The following PLXNB2 variants were observed in gnomAD, a reference collection of about 807,000 sequenced individuals.
The protein encoded by PLXNB2 is plexin B2.
Under a neutral mutation model 202.6 loss-of-function variants are expected in PLXNB2, and 85 were observed. The ratio of observed to expected loss-of-function variants is 0.42; its 90% CI spans 0.35 to 0.50. The LOEUF is 0.50. Ranked by LOEUF, PLXNB2 falls within the 20% of genes least tolerant of loss-of-function variation. The probability of loss-of-function intolerance (pLI) is 0.02; values close to 1 mark genes in which losing one functional copy is unlikely to be tolerated. For missense variants in PLXNB2, 2,063 were observed against 2,586.2 expected (o/e 0.80, Z 4.39); for synonymous variants, 1,239 against 1,137.6 (o/e 1.09, Z -1.79).
chr22:50,282,341 C>T (rs370163149), intron 18 of PLXNB2, 28 bp from the exon 19 acceptor site: 31 of 1,570,222 alleles, frequency 2.0e-5, no homozygotes, highest in African/African-American at 1.9e-4. Context: ...TTCGTGGGCT[C>T]GGCTGGCAGG....
intron 1 of PLXNB2, among the ~76,000 whole-genome samples, chr22:50,295,574 T>A (rs1303708353): frequency 6.6e-6 from 1 of 152,178 alleles, no homozygotes; most frequent in Non-Finnish European, 1.5e-5. Flanking sequence ...TATCTTCTAG[T>A]TCTGGATAAA....
In PLXNB2 at chr22:50,289,096, G is replaced by A. The variant is rs779092516; in HGVS notation, c.1115C>T (p.Pro372Leu). ...FPCGSEHLPYPLGSRDGLRGT... is the reference protein window; with the variant it reads ...FPCGSEHLPYLLGSRDGLRGT... Reference sequence around the variant, plus strand: ...TCTGAGCCCGTCGCGGCTGCCCAGCGGGTAGGGCAGGTGCTCCGAGCCACA... The same window carrying A: ...TCTGAGCCCGTCGCGGCTGCCCAGCAGGTAGGGCAGGTGCTCCGAGCCACA... The change falls in exon 4 of 37, where the codon CCG becomes CTG. Residue 372 changes from proline to leucine, a missense_variant. Pro to Leu is a moderately conservative substitution (Grantham distance 98). Coordinates refer to ENST00000359337, the MANE Select transcript of PLXNB2 (RefSeq NM_012401.4). The surrounding 1 kb of genome is among the most constrained non-coding windows in gnomAD (Gnocchi z 8.0). 7.5e-6 allele frequency: 12 copies of A among 1,593,556 alleles called. No homozygotes were observed. Among genetic ancestry groups the A allele is most frequent in the East Asian group, 2.3e-5 (1 of 44,418 alleles).
intron 2 of PLXNB2, among the ~76,000 whole-genome samples, chr22:50,292,489 A>G (rs1392192700): frequency 6.6e-6 from 1 of 152,202 alleles, no homozygotes; most frequent in African/African-American, 2.4e-5. Context: ...ACGGAGCAGA[A>G]TTTACCCAAG....
At chr22:50,296,386 C>T (rs887617304) in intron 1 of PLXNB2, among the ~76,000 whole-genome samples, 3 of 151,842 alleles carry the variant, frequency 2.0e-5, no homozygotes, top group African/African-American at 7.3e-5. Flanking sequence ...AGAGCGAGAC[C>T]CTGACTCTAA....
rs2066296257 is a variant in PLXNB2, at chr22:50,284,775, C to T, written c.2089-110G>A. 6.0e-6 allele frequency: 5 copies of T among 833,806 alleles called. No homozygotes were observed. The highest frequency in any genetic ancestry group is 1.1e-5 in the Non-Finnish European group (5 of 472,782). The allele number at this position is 833,806 out of a possible 1,614,324, so 51.7% of individuals were successfully genotyped here. A position where few individuals can be genotyped will look rare whatever the true frequency, so the allele number is the denominator to read the frequency against. On this transcript the variant is annotated intron_variant, in intron 11 of 36. Transcript: ENST00000359337. The surrounding 1 kb of genome is among the most constrained non-coding windows in gnomAD (Gnocchi z 8.0). ...GCCTACAGTGTGGGAGCCCTCTCCT[C>T]ACCCCACACATGCCCGCCCCTCAGA...
In PLXNB2 at chr22:50,277,751, A is replaced by C. The variant is rs1444663410; in HGVS notation, c.5049-13T>G. On this transcript the variant is annotated splice_polypyrimidine_tract_variant and intron_variant, in intron 32 of 36. Transcript: ENST00000359337. ...CCGGAGCGGTAAGCTGAGGCAGAGC[A>C]GCAGGGAATGAGAGCCGGGGCTGGG... 6.3e-7 allele frequency: 1 copy of C among 1,593,828 alleles called. No homozygotes were observed. The highest frequency in any genetic ancestry group is 8.6e-7 in the Non-Finnish European group (1 of 1,166,380).
chr22:50,280,714 G>T, intron 24 of PLXNB2, 30 bp downstream of exon 24: 3 of 1,528,948 alleles, frequency 2.0e-6, no homozygotes, highest in Non-Finnish European at 2.7e-6. Context: ...CCACCTGTGT[G>T]CCCTCCCGCC....
In PLXNB2 at chr22:50,287,919, G is replaced by A. The variant is rs767507828; in HGVS notation, c.1481+18C>T. On this transcript the variant is annotated intron_variant, in intron 6 of 36. Transcript: ENST00000359337. Reference sequence around the variant, plus strand: ...TCCCAGAGGCAGGCCGTGTCCCCGAGCCACCCCAGGCACTCACCGTCCCTC... The same window carrying A: ...TCCCAGAGGCAGGCCGTGTCCCCGAACCACCCCAGGCACTCACCGTCCCTC... 3.2e-6 allele frequency: 5 copies of A among 1,581,936 alleles called. No individual in the cohort carries two copies. The South Asian group carries it at 5.7e-5, about 18-fold the overall frequency.
Position 50,301,460 on chromosome 22 carries a change from C to T in PLXNB2, c.-74+6093G>A, listed in dbSNP as rs115019035. 1.7e-3 allele frequency: 1,518 copies of T among 919,742 alleles called. 19 individuals carry two copies. The African/African-American group carries it at 0.026, about 16-fold the overall frequency. 57.0% of individuals were successfully genotyped at this position (919,742 alleles called of 1,614,324 possible). A position where few individuals can be genotyped will look rare whatever the true frequency, so the allele number is the denominator to read the frequency against. On this transcript the variant is annotated intron_variant, in intron 1 of 36. Coordinates refer to ENST00000359337, the MANE Select transcript of PLXNB2 (RefSeq NM_012401.4). ...GAACCACCAACTCATCAGGACAGGACATGCGGTCAGACAGCAGGCGGCCAC... is the reference window on the plus strand; with the variant it reads ...GAACCACCAACTCATCAGGACAGGATATGCGGTCAGACAGCAGGCGGCCAC...
intron 31 of PLXNB2, 49 bp downstream of exon 31, chr22:50,278,068 G>A: frequency 6.3e-7 from 1 of 1,576,836 alleles, no homozygotes; most frequent in Non-Finnish European, 8.7e-7. Flanking sequence ...TGGGGGGGAG[G>A]GTCTCAGCGT....
chr22:50,292,709 G>A (rs1430368717), intron 2 of PLXNB2, among the ~76,000 whole-genome samples: 1 of 151,956 alleles, frequency 6.6e-6, no homozygotes, highest in Non-Finnish European at 1.5e-5. Flanking sequence ...TGCATTTACT[G>A]GCACAGCCGC....
rs1167348016 is a variant in PLXNB2 at position 50,281,313 on chromosome 22, G to A, written c.3662+47C>T. ...GATGAGGCCAGAGGGGCCGAGGCGG[G>A]AGGGCCGAGGGCTCAGGGTGTTGGC... On this transcript the variant is annotated intron_variant, in intron 22 of 36. Transcript: ENST00000359337. 26 of 1,603,044 alleles carry A rather than the reference G, an allele frequency of 1.6e-5. No individual in the cohort carries two copies. The Middle Eastern group carries it at 4.9e-4, about 30-fold the overall frequency.
intron 35 of PLXNB2, among the ~76,000 whole-genome samples, 199 bp downstream of exon 35, chr22:50,276,430 T>TGGATGGAGTGACAGGGAG (rs1601667928): frequency 5.7e-4 from 2 of 3,534 alleles, no homozygotes; most frequent in African/African-American, 9.0e-4. Flanking sequence ...GGGCAGGGCC[T>TGGATGGAGTGACAGGGAG]GGCTCCAAGC....
Position 50,278,991 on chromosome 22 carries a change from C to G in PLXNB2, c.4410G>C (p.Gln1470His), listed in dbSNP as rs2065800920. 6.2e-7 allele frequency: 1 copy of G among 1,611,934 alleles called. No individual in the cohort carries two copies. Among genetic ancestry groups the G allele is most frequent in the African/African-American group, 1.3e-5 (1 of 75,042 alleles). The change falls in exon 28 of 37, where the codon CAG becomes CAC. Residue 1470 changes from glutamine (Q) to histidine (H), a missense_variant. Physicochemically the swap from Gln to His is conservative, Grantham distance 24. Around this residue, in one of 2 missense-constraint regions of PLXNB2, gnomAD observed 760 missense variants for 1,109.4 expected, o/e 0.69. Transcript: ENST00000359337. Reference protein sequence around the residue: ...YAPLTVSVIVQDEGVDAIPVK... With the variant: ...YAPLTVSVIVHDEGVDAIPVK... ...CCGGGATGGCGTCCACTCCCTCGTCCTGCACGATCACGCTCACCGTCTGCC... is the reference window on the plus strand; with the variant it reads ...CCGGGATGGCGTCCACTCCCTCGTCGTGCACGATCACGCTCACCGTCTGCC...
chr22:50,288,140 G>C lies in PLXNB2; in HGVS notation c.1381-103C>G, dbSNP rs1265104466. The C allele has an allele frequency of 3.5e-6, 3 of 856,560 alleles. No homozygotes were observed. The African/African-American group carries it at 5.1e-5, about 15-fold the overall frequency. 53.1% of individuals were successfully genotyped at this position (856,560 alleles called of 1,614,324 possible). On this transcript the variant is annotated intron_variant, in intron 5 of 36. Coordinates refer to ENST00000359337, the MANE Select transcript of PLXNB2 (RefSeq NM_012401.4). The surrounding 1 kb of genome is among the most constrained non-coding windows in gnomAD (Gnocchi z 5.0). ...GCCAGCTTGACCCAGCTCTGTCCCG[G>C]GGCCTCGGGAGCCTCAGACACCTCA...
Position 50,289,156 on chromosome 22 carries a change from C to A in PLXNB2, c.1069-14G>T. On this transcript the variant is annotated splice_polypyrimidine_tract_variant and intron_variant, in intron 3 of 36. Coordinates refer to ENST00000359337, the MANE Select transcript of PLXNB2 (RefSeq NM_012401.4). This position sits in a 1 kb window ranked among gnomAD's most constrained non-coding sequence, Gnocchi z 8.0. Reference sequence around the variant, plus strand: ...CTTGCTGGAGCCCTGCGGACCACAGCGTGTCAATGGCAGGCAGACCCCCTG... The same window carrying A: ...CTTGCTGGAGCCCTGCGGACCACAGAGTGTCAATGGCAGGCAGACCCCCTG... 6.5e-7 allele frequency: 1 copy of A among 1,547,244 alleles called. No homozygotes were observed. The highest frequency in any genetic ancestry group is 8.7e-7 in the Non-Finnish European group (1 of 1,147,446).
chr22:50,306,635 G>A (rs1321267215), intron 1 of PLXNB2, among the ~76,000 whole-genome samples: 2 of 152,190 alleles, frequency 1.3e-5, no homozygotes, highest in African/African-American at 4.8e-5. Context: ...GGGAAGGTGG[G>A]GCACAGGGAG....
At position 50,283,604 on chromosome 22, in the gene PLXNB2, G is replaced by A. The variant is rs1319478395; in HGVS notation, c.2568C>T (p.Thr856=). 1 of 1,612,430 alleles carries A rather than the reference G, an allele frequency of 6.2e-7. No homozygotes were observed. Among genetic ancestry groups the A allele is most frequent in the Admixed American group, 1.7e-5 (1 of 59,972 alleles). Residue 856 remains threonine (T), a splice_region_variant and synonymous_variant, in exon 15 of 37, where the codon ACC becomes ACT. Coordinates refer to ENST00000359337, the MANE Select transcript of PLXNB2 (RefSeq NM_012401.4). ...SFQPERYSVS[T]RIVCVIEAAE... is the part of the protein sequence containing the mutation. Reference sequence around the variant, plus strand: ...CCAGACCAGGGCCGTCCACTCACCGGGTGGACACGGAGTAACGTTCCGGCT... The same window carrying A: ...CCAGACCAGGGCCGTCCACTCACCGAGTGGACACGGAGTAACGTTCCGGCT...
In PLXNB2 at chr22:50,286,189, G is replaced by A; in HGVS notation, c.1861C>T (p.Leu621=). 4 of 1,613,042 alleles carry A rather than the reference G, an allele frequency of 2.5e-6. No homozygotes were observed. The South Asian group carries it at 3.3e-5, about 13-fold the overall frequency. ...PFYDCRQAMS[L]EENLPCISCV... is the part of the protein sequence containing the mutation. Reference sequence around the variant, plus strand: ...GACACTCACGGCAGGTTCTCCTCCAGGCTCATGGCCTGGCGGCAGTCGTAG... The same window carrying A: ...GACACTCACGGCAGGTTCTCCTCCAAGCTCATGGCCTGGCGGCAGTCGTAG... Residue 621 remains leucine, a synonymous_variant, in exon 9 of 37, where the codon CTG becomes TTG. Coordinates refer to ENST00000359337, the MANE Select transcript of PLXNB2 (RefSeq NM_012401.4).
Sources: allele counts gnomAD v4.1 joint callset (sites outside exome capture counted in the v4.1 genomes callset), GRCh38; gene constraint gnomAD v4.1.1; regional missense constraint gnomAD v4.1.1; non-coding constraint Gnocchi (gnomAD v3.1); transcripts MANE v1.5; gene names NCBI Gene and HGNC (gene_info 2026-07-23, HGNC 2026-07-21).